CAMKMT: variants seen among roughly 807,000 people sequenced by gnomAD.
CAMKMT encodes calmodulin-lysine N-methyltransferase, also known as CaM KMT.
CAMKMT carries 53 observed loss-of-function variants against 48.0 expected under a neutral mutation model. The observed-to-expected ratio is 1.10, with a 90% CI of 0.89 to 1.39. CAMKMT has a LOEUF of 1.39. CAMKMT is among the 40% of genes most tolerant of loss of function. The pLI is 0.00. For missense variants in CAMKMT, 428 were observed against 402.7 expected, an observed-to-expected ratio of 1.06 and a Z score of -0.54; for synonymous variants, 165 against 152.3, an observed-to-expected ratio of 1.08 and a Z score of -0.61.
intron 6 of CAMKMT, among the ~76,000 whole-genome samples, chr2:44,711,641 A>G (rs969954707): frequency 2.0e-5 from 3 of 152,146 alleles, no homozygotes; most frequent in Non-Finnish European, 4.4e-5. Context: ...AAGCAGCAGG[A>G]AAAGAAAATA....
At chr2:44,502,107 A>G (rs943317186) in intron 3 of CAMKMT, among the ~76,000 whole-genome samples, 2 of 151,612 alleles carry the variant, frequency 1.3e-5, no homozygotes, top group African/African-American at 4.8e-5. Flanking sequence ...TGTAATCCCA[A>G]CTACTCAGGA....
intron 3 of CAMKMT, among the ~76,000 whole-genome samples, chr2:44,439,330 C>T (rs547770426): frequency 1.3e-5 from 2 of 152,230 alleles, no homozygotes; most frequent in East Asian, 3.9e-4. Flanking sequence ...TCCTTAATTC[C>T]TCCTTCTTTG....
intron 3 of CAMKMT, among the ~76,000 whole-genome samples, chr2:44,692,535 G>C (rs557587984): frequency 6.6e-6 from 1 of 152,284 alleles, no homozygotes; most frequent in Non-Finnish European, 1.5e-5. Context: ...AAGTTATTTA[G>C]GCAAAGGCCT....
intron 3 of CAMKMT, among the ~76,000 whole-genome samples, chr2:44,410,840 A>G (rs753532724): frequency 1.3e-5 from 2 of 152,178 alleles, no homozygotes; most frequent in Non-Finnish European, 2.9e-5. Context: ...CTGTTTAAGG[A>G]TTGGTGAATT....
intron 3 of CAMKMT, among the ~76,000 whole-genome samples, chr2:44,586,321 G>GTATATA (rs150949922): frequency 1.3e-5 from 2 of 149,820 alleles, no homozygotes; most frequent in African/African-American, 4.9e-5. Context: ...TTTAACATAT[G>GTATATA]TATATATATA....
At chr2:44,638,725 G>A (rs781565323) in intron 3 of CAMKMT, among the ~76,000 whole-genome samples, 5 of 151,936 alleles carry the variant, frequency 3.3e-5, no homozygotes, top group African/African-American at 4.8e-5. Context: ...GAGGAATATT[G>A]TTGGGTCCAG....
intron 6 of CAMKMT, among the ~76,000 whole-genome samples, chr2:44,713,947 A>G (rs1032303694): frequency 1.3e-5 from 2 of 152,156 alleles, no homozygotes; most frequent in South Asian, 2.1e-4. Context: ...CATGGGCCCA[A>G]TTTAGTTCAA....
intron 3 of CAMKMT, among the ~76,000 whole-genome samples, chr2:44,649,218 T>C (rs1673923222): frequency 6.6e-6 from 1 of 152,118 alleles, no homozygotes; most frequent in Admixed American, 6.5e-5. Flanking sequence ...TGGATCCTGT[T>C]TCCTTTCAGT....
At chr2:44,571,306 G>A (rs962583173) in intron 3 of CAMKMT, among the ~76,000 whole-genome samples, 3 of 152,116 alleles carry the variant, frequency 2.0e-5, no homozygotes, top group Non-Finnish European at 4.4e-5. Flanking sequence ...TGAGGGTGAG[G>A]TAAAAGAGAA....
At chr2:44,715,245 C>A (rs343957) in intron 6 of CAMKMT, 42 bp from the exon 7 acceptor site, 4 of 1,370,296 alleles carry the variant, frequency 2.9e-6, no homozygotes, top group Admixed American at 2.0e-5. Flanking sequence ...TTTTTGGTCA[C>A]TTCACAATCA....
intron 3 of CAMKMT, among the ~76,000 whole-genome samples, chr2:44,606,388 T>C (rs995564719): frequency 6.6e-6 from 1 of 152,180 alleles, no homozygotes; most frequent in Non-Finnish European, 1.5e-5. Context: ...ATCTAACATT[T>C]AGAGAGTCAA....
chr2:44,508,898 C>G (rs1489350437), intron 3 of CAMKMT, among the ~76,000 whole-genome samples: 1 of 152,072 alleles, frequency 6.6e-6, no homozygotes, highest in East Asian at 1.9e-4. Context: ...GAGTTCGAGA[C>G]CAGCCTGACC....
rs533798331 is a variant in CAMKMT, at chr2:44,460,773, T to C, written c.376+70468T>C. 1.8e-3 allele frequency among the ~76,000 whole-genome samples: 255 copies of C among 143,762 alleles called. 1 individual carries two copies. The highest frequency in any genetic ancestry group is 3.7e-3 in the Middle Eastern group (1 of 270). The allele number at this position is 143,762 out of a possible 152,430, so 94.3% of individuals were successfully genotyped here. A position where few individuals can be genotyped will look rare whatever the true frequency, so the allele number is the denominator to read the frequency against. Reference sequence around the variant, plus strand: ...TCTTGCTCTGTCACCCAGGCTGGAGTGTGCAGTGGCATGATCTCCACTTAC... The same window carrying C: ...TCTTGCTCTGTCACCCAGGCTGGAGCGTGCAGTGGCATGATCTCCACTTAC... On this transcript the variant is annotated intron_variant, in intron 3 of 10. Transcript: ENST00000378494.
chr2:44,364,586 T>C (rs1332101515), intron 1 of CAMKMT, among the ~76,000 whole-genome samples: 1 of 152,228 alleles, frequency 6.6e-6, no homozygotes, highest in Non-Finnish European at 1.5e-5. Flanking sequence ...TTGTTCAGTG[T>C]CTGTGGAAAG....
chr2:44,669,253 TATG>T (rs1675190247), intron 3 of CAMKMT, among the ~76,000 whole-genome samples: 1 of 152,252 alleles, frequency 6.6e-6, no homozygotes, highest in Admixed American at 6.5e-5. Context: ...AAAAAATTCA[TATG>T]GTGTATAATT....
intron 3 of CAMKMT, among the ~76,000 whole-genome samples, chr2:44,542,464 G>C (rs1667167764): frequency 6.6e-6 from 1 of 150,880 alleles, no homozygotes; most frequent in Non-Finnish European, 1.5e-5. Flanking sequence ...AAGTTGCTTA[G>C]AGTCTAACTC....
chr2:44,622,788 G>A (rs1189929536), intron 3 of CAMKMT, among the ~76,000 whole-genome samples: 1 of 152,208 alleles, frequency 6.6e-6, no homozygotes, highest in Non-Finnish European at 1.5e-5. Flanking sequence ...ATAGTGCTGT[G>A]ATGAACATAG....
At chr2:44,389,371 T>G (rs1469541186) in intron 2 of CAMKMT, among the ~76,000 whole-genome samples, 1 of 152,054 alleles carries the variant, frequency 6.6e-6, no homozygotes, top group Non-Finnish European at 1.5e-5. Context: ...TTGGGGAAAG[T>G]GGGAGGCACA....
At chr2:44,434,454 G>A (rs1409014737) in intron 3 of CAMKMT, among the ~76,000 whole-genome samples, 1 of 152,002 alleles carries the variant, frequency 6.6e-6, no homozygotes, top group African/African-American at 2.4e-5. Flanking sequence ...AGGATATTTG[G>A]ACTGATGTTT....
Sources: allele counts gnomAD v4.1 joint callset (sites outside exome capture counted in the v4.1 genomes callset), GRCh38; gene constraint gnomAD v4.1.1; transcripts MANE v1.5; gene names NCBI Gene and HGNC (gene_info 2026-07-23, HGNC 2026-07-21).